FREM2: variants seen among roughly 807,000 people sequenced by gnomAD.
FREM2 encodes FRAS1-related extracellular matrix protein 2.
Under a neutral mutation model 219.9 loss-of-function variants are expected in FREM2, and 119 were observed. The ratio of observed to expected loss-of-function variants is 0.54; its 90% CI spans 0.47 to 0.63. The LOEUF (loss-of-function observed/expected upper bound fraction) is 0.63. Ranked by LOEUF, FREM2 falls within the 30% of genes least tolerant of loss-of-function variation. The probability of loss-of-function intolerance (pLI) is 0.00; values close to 1 mark genes in which losing one functional copy is unlikely to be tolerated. For missense variants in FREM2, 4,030 were observed against 3,993.6 expected, an observed-to-expected ratio of 1.01 and a Z score of -0.25; for synonymous variants, 1,562 against 1,522.8, an observed-to-expected ratio of 1.03 and a Z score of -0.60.
intron 6 of FREM2, among the ~76,000 whole-genome samples, chr13:38,801,018 A>G (rs960963568): frequency 3.9e-5 from 6 of 152,242 alleles, no homozygotes; most frequent in Admixed American, 3.9e-4. Context: ...TTGGTACTAA[A>G]TGTCATGAAG....
chr13:38,825,585 G>T (rs1336531591), intron 6 of FREM2, among the ~76,000 whole-genome samples: 2 of 152,124 alleles, frequency 1.3e-5, no homozygotes, highest in African/African-American at 4.8e-5. Flanking sequence ...CATTGTCATT[G>T]CCCTAGAAAG....
Position 38,690,780 on chromosome 13 carries a change from A to G in FREM2, c.3436A>G (p.Ile1146Val), listed in dbSNP as rs1326649314. 1.9e-6 allele frequency: 3 copies of G among 1,614,066 alleles called. No homozygotes were observed. The highest frequency in any genetic ancestry group is 2.2e-5 in the East Asian group (1 of 44,896). Reference protein sequence around the residue: ...FNLKDLRQGHINYVQSVHKGV... With the variant: ...FNLKDLRQGHVNYVQSVHKGV... ...CTTGAAAGATCTCAGGCAGGGCCAC[A>G]TAAACTATGTCCAGAGTGTCCATAA... The change falls in exon 1 of 24, where the codon ATA becomes GTA. Residue 1146 changes from isoleucine (I) to valine (V), a missense_variant. By Grantham distance (29) the Ile-to-Val change is conservative (BLOSUM62 3). Coordinates refer to ENST00000280481, the MANE Select transcript of FREM2 (RefSeq NM_207361.6).
intron 2 of FREM2, among the ~76,000 whole-genome samples, chr13:38,713,280 A>G (rs1233267148): frequency 6.6e-6 from 1 of 152,172 alleles, no homozygotes; most frequent in Non-Finnish European, 1.5e-5. Context: ...TTATTAACAG[A>G]GTGATATCAG....
intron 6 of FREM2, among the ~76,000 whole-genome samples, chr13:38,823,740 A>G (rs1876163282): frequency 6.6e-6 from 1 of 152,100 alleles, no homozygotes; most frequent in South Asian, 2.1e-4. Context: ...TAGTAACTTT[A>G]TGGTCATCTT....
chr13:38,849,898 A>G, intron 8 of FREM2, 140 bp from the exon 9 acceptor site: 1 of 741,626 alleles, frequency 1.3e-6, no homozygotes. Context: ...TCAAGGTCAA[A>G]ATATTGGCAA....
At chr13:38,833,300 T>C in intron 6 of FREM2, among the ~76,000 whole-genome samples, 1 of 152,172 alleles carries the variant, frequency 6.6e-6, no homozygotes, top group East Asian at 1.9e-4. Context: ...TTTATTTACA[T>C]TTGTTCTTAG....
chr13:38,826,514 T>G (rs749443229), intron 6 of FREM2, among the ~76,000 whole-genome samples: 1 of 152,070 alleles, frequency 6.6e-6, no homozygotes, highest in Non-Finnish European at 1.5e-5. Flanking sequence ...CAACTTGAAA[T>G]GGAGTCGCTT....
At chr13:38,862,403 G>A (rs1417353525) in intron 15 of FREM2, among the ~76,000 whole-genome samples, 1 of 152,168 alleles carries the variant, frequency 6.6e-6, no homozygotes, top group Non-Finnish European at 1.5e-5. Flanking sequence ...GGTCCATGTG[G>A]AGGTGTGACT....
chr13:38,702,266 C>T (rs1257449446), intron 2 of FREM2, among the ~76,000 whole-genome samples: 1 of 151,990 alleles, frequency 6.6e-6, no homozygotes, highest in Non-Finnish European at 1.5e-5. Flanking sequence ...ACCACCAGTT[C>T]AGAGCTCATA....
chr13:38,820,519 C>T (rs1876000321), intron 6 of FREM2, among the ~76,000 whole-genome samples: 1 of 152,038 alleles, frequency 6.6e-6, no homozygotes, highest in South Asian at 2.1e-4. Context: ...TGAGAAGCAG[C>T]TTCTCAGATA....
At position 38,877,204 on chromosome 13, in the gene FREM2, A is replaced by C. The variant is rs1418437131; in HGVS notation, c.8632A>C (p.Met2878Leu). The change falls in exon 21 of 24, where the codon ATG becomes CTG. Residue 2878 changes from methionine to leucine, a missense_variant. By Grantham distance (15) the Met-to-Leu change is conservative. This residue lies in a region of FREM2 where 928 missense variants were observed against 1,042.9 expected (regional missense o/e 0.89). Coordinates refer to ENST00000280481, the MANE Select transcript of FREM2 (RefSeq NM_207361.6). ...GAGTCTCTGGTTGTCTGATGGATCCATGGGATTCGGGCAAGAGAGTGATGT... is the reference window on the plus strand; with the variant it reads ...GAGTCTCTGGTTGTCTGATGGATCCCTGGGATTCGGGCAAGAGAGTGATGT... The part of the protein sequence containing the change: ...KKSLWLSDGS[M>L]GFGQESDVAF... 3 of 1,614,090 alleles carry C rather than the reference A, an allele frequency of 1.9e-6. No individual in the cohort carries two copies. The highest frequency in any genetic ancestry group is 2.5e-6 in the Non-Finnish European group (3 of 1,179,950).
intron 2 of FREM2, among the ~76,000 whole-genome samples, chr13:38,747,067 A>G (rs1490350153): frequency 6.6e-6 from 1 of 152,138 alleles, no homozygotes; most frequent in Admixed American, 6.5e-5. Flanking sequence ...GCATCTGTAC[A>G]TTCTATCAGG....
intron 4 of FREM2, among the ~76,000 whole-genome samples, chr13:38,773,318 C>A (rs1038399309): frequency 2.0e-4 from 30 of 152,024 alleles, no homozygotes; most frequent in Admixed American, 5.2e-4. Flanking sequence ...CATGGCTCTG[C>A]GATCAATAGA....
intron 6 of FREM2, among the ~76,000 whole-genome samples, chr13:38,796,196 G>C: frequency 6.6e-6 from 1 of 152,102 alleles, no homozygotes; most frequent in East Asian, 1.9e-4. Flanking sequence ...AGCCATCACT[G>C]TTGGAGCTGG....
intron 2 of FREM2, among the ~76,000 whole-genome samples, chr13:38,716,020 G>A (rs920440638): frequency 4.6e-5 from 7 of 151,944 alleles, no homozygotes; most frequent in African/African-American, 9.7e-5. Context: ...GTTGATTTAC[G>A]CCAGAGTATA....
intron 2 of FREM2, among the ~76,000 whole-genome samples, chr13:38,756,245 T>A (rs1412427718): frequency 1.3e-5 from 2 of 152,198 alleles, no homozygotes; most frequent in Non-Finnish European, 2.9e-5. Flanking sequence ...ACAGTGAATA[T>A]TGAATTAGCA....
rs1869491849 is a variant in FREM2 at position 38,687,238 on chromosome 13, C to A, written c.-107C>A. 4 of 1,463,276 alleles carry A rather than the reference C, an allele frequency of 2.7e-6. No homozygotes were observed. The highest frequency in any genetic ancestry group is 3.7e-6 in the Non-Finnish European group (4 of 1,071,146). 90.6% of individuals were successfully genotyped at this position (1,463,276 alleles called of 1,614,324 possible). ...CCCGGCTACAGGAGGACCCCGCGGG[C>A]AACGCGCGGAGTTCCTGGCACTTCC... On this transcript the variant is annotated 5_prime_UTR_variant, in exon 1 of 24. Coordinates refer to ENST00000280481, the MANE Select transcript of FREM2 (RefSeq NM_207361.6).
rs1033456167 is a variant in FREM2 at position 38,744,160 on chromosome 13, T to C, written c.5264-20144T>C. 3.3e-5 allele frequency among the ~76,000 whole-genome samples: 5 copies of C among 150,320 alleles called. No individual in the cohort carries two copies. The South Asian group carries it at 8.5e-4, about 26-fold the overall frequency. Reference sequence around the variant, plus strand: ...TTTGTTAAGTCAGGAGAAAAGCATCTAAAATACTCTGTTGTTATTACTCTA... The same window carrying C: ...TTTGTTAAGTCAGGAGAAAAGCATCCAAAATACTCTGTTGTTATTACTCTA... On this transcript the variant is annotated intron_variant, in intron 2 of 23. Transcript: ENST00000280481.
Position 38,769,645 on chromosome 13 carries a change from G to A in FREM2, c.5478G>A (p.Val1826=). The change falls in exon 4 of 24, where the codon GTG becomes GTA. Residue 1826 remains valine (V), a synonymous_variant. Transcript: ENST00000280481. ...TCAAGGGCAAAGCACAGAAACAAGT[G>A]CAGTTCAACCCAGGCCAGACCAGGG... ...KDFKGKAQKQ[V]QFNPGQTRAT... The A allele has an allele frequency of 6.2e-7, 1 of 1,614,182 alleles. No homozygotes were observed. The highest frequency in any genetic ancestry group is 1.6e-4 in the Middle Eastern group (1 of 6,062).
Sources: allele counts gnomAD v4.1 joint callset (sites outside exome capture counted in the v4.1 genomes callset), GRCh38; gene constraint gnomAD v4.1.1; regional missense constraint gnomAD v4.1.1; transcripts MANE v1.5; gene names NCBI Gene and HGNC (gene_info 2026-07-23, HGNC 2026-07-21).